The following CDK19 variants were observed in gnomAD, a reference collection of about 807,000 sequenced individuals.
The protein encoded by CDK19 is cyclin dependent kinase 19.
In CDK19, 20 loss-of-function variants were observed where a neutral mutation model predicts 68.3. That is an observed-to-expected ratio of 0.29 (90% CI 0.21 to 0.43). The LOEUF (loss-of-function observed/expected upper bound fraction) is 0.43, where lower values mean the gene tolerates loss of function less well. CDK19 is among the 20% of genes least tolerant of loss of function. The pLI is 1.00. For missense variants in CDK19, 339 were observed against 623.5 expected, an observed-to-expected ratio of 0.54 and a Z score of 4.86; for synonymous variants, 221 against 222.8, an observed-to-expected ratio of 0.99 and a Z score of 0.07.
chr6:110,677,523 G>A (rs1397691941), intron 2 of CDK19, among the ~76,000 whole-genome samples: 18 of 148,408 alleles, frequency 1.2e-4, no homozygotes, highest in African/African-American at 3.8e-4. Context: ...CCGAGATCGC[G>A]CCACTGCACT....
chr6:110,623,334 T>C lies in CDK19; in HGVS notation c.889A>G (p.Met297Val), dbSNP rs777727767. 6.2e-7 allele frequency: 1 copy of C among 1,614,030 alleles called. No homozygotes were observed. Among genetic ancestry groups the C allele is most frequent in the Non-Finnish European group, 8.5e-7 (1 of 1,179,910 alleles). ...TCAGGCTTGACCTTGTGTTTCTCCA[T>C]GTACTTTATGAGGCTACTGTTGGCA... is the stretch of plus-strand genomic sequence containing the variant. Reference protein sequence around the residue: ...TYANSSLIKYMEKHKVKPDSK... With the variant: ...TYANSSLIKYVEKHKVKPDSK... The change falls in exon 9 of 13, where the codon ATG becomes GTG. Residue 297 changes from methionine (M) to valine (V), a missense_variant. Met to Val is a conservative substitution (Grantham distance 21). Transcript: ENST00000368911.
At chr6:110,775,063 T>C (rs1316248142) in intron 1 of CDK19, among the ~76,000 whole-genome samples, 1 of 151,666 alleles carries the variant, frequency 6.6e-6, no homozygotes, top group Non-Finnish European at 1.5e-5. Context: ...CTGGCCAACA[T>C]GGTGAAACCC....
intron 2 of CDK19, among the ~76,000 whole-genome samples, chr6:110,691,397 C>A (rs1772974321): frequency 6.6e-6 from 1 of 151,674 alleles, no homozygotes; most frequent in South Asian, 2.1e-4. Flanking sequence ...TTGCTTGAAC[C>A]CAGGAGGTGG....
At chr6:110,800,070 C>T (rs903608773) in intron 1 of CDK19, among the ~76,000 whole-genome samples, 2 of 152,156 alleles carry the variant, frequency 1.3e-5, no homozygotes, top group African/African-American at 4.8e-5. Flanking sequence ...CTGTTGAATG[C>T]TTAAGTGTTC....
intron 2 of CDK19, among the ~76,000 whole-genome samples, chr6:110,699,053 C>CAAA (rs564638902): frequency 1.6e-4 from 17 of 108,772 alleles, no homozygotes; most frequent in South Asian, 1.5e-3. Context: ...GACCCTGTCT[C>CAAA]AAAAAAAAAA....
intron 2 of CDK19, among the ~76,000 whole-genome samples, chr6:110,705,844 G>T (rs974950964): frequency 1.3e-5 from 2 of 151,998 alleles, no homozygotes; most frequent in African/African-American, 4.8e-5. Context: ...TCACACACTG[G>T]GGCTTGTCAG....
chr6:110,683,490 T>C (rs1772188837), intron 2 of CDK19, among the ~76,000 whole-genome samples: 1 of 152,118 alleles, frequency 6.6e-6, no homozygotes, highest in Non-Finnish European at 1.5e-5. Flanking sequence ...ACCCACTTAG[T>C]AGTTTCTATA....
At chr6:110,780,388 CAAAAA>C (rs57316757) in intron 1 of CDK19, among the ~76,000 whole-genome samples, 1 of 67,130 alleles carries the variant, frequency 1.5e-5, no homozygotes, top group South Asian at 4.2e-4. Flanking sequence ...CACTCTGTCT[CAAAAA>C]AAAAAAAAAA....
At chr6:110,655,853 A>T (rs1407963053) in intron 4 of CDK19, among the ~76,000 whole-genome samples, 1 of 152,210 alleles carries the variant, frequency 6.6e-6, no homozygotes, top group African/African-American at 2.4e-5. Context: ...AGCTCAGGAA[A>T]CTGGACACAG....
intron 4 of CDK19, chr6:110,646,210 CG>C (rs1275056985): frequency 7.1e-7 from 1 of 1,405,726 alleles, no homozygotes; most frequent in Non-Finnish European, 9.5e-7. Context: ...AGCAACTCGT[CG>C]GGGTCCGACG....
At chr6:110,632,914 G>A (rs1779530709) in intron 5 of CDK19, among the ~76,000 whole-genome samples, 1 of 151,898 alleles carries the variant, frequency 6.6e-6, no homozygotes, top group Admixed American at 6.6e-5. Flanking sequence ...ACTTCTGTAT[G>A]CTTATACATT....
At chr6:110,723,313 A>G (rs1248387972) in intron 2 of CDK19, among the ~76,000 whole-genome samples, 1 of 152,118 alleles carries the variant, frequency 6.6e-6, no homozygotes, top group East Asian at 1.9e-4. Flanking sequence ...CCAGGAGTCA[A>G]GTGTGTCAAT....
At chr6:110,791,246 A>C (rs1354742951) in intron 1 of CDK19, among the ~76,000 whole-genome samples, 1 of 152,000 alleles carries the variant, frequency 6.6e-6, no homozygotes, top group East Asian at 1.9e-4. Context: ...CTGTCATGGA[A>C]AAAAAGAAAA....
At chr6:110,617,773 C>T (rs1258410746) in intron 12 of CDK19, among the ~76,000 whole-genome samples, 1 of 135,164 alleles carries the variant, frequency 7.4e-6, no homozygotes, top group Non-Finnish European at 1.5e-5. Flanking sequence ...ATGAGAATCA[C>T]TTGAACCCAG....
chr6:110,615,063 T>C (rs1411355311), intron 12 of CDK19, among the ~76,000 whole-genome samples: 1 of 152,220 alleles, frequency 6.6e-6, no homozygotes, highest in African/African-American at 2.4e-5. Flanking sequence ...TATACTGACA[T>C]GCTATTATTT....
chr6:110,682,904 G>A (rs1008263166), intron 2 of CDK19, among the ~76,000 whole-genome samples: 4 of 152,026 alleles, frequency 2.6e-5, no homozygotes, highest in African/African-American at 4.8e-5. Flanking sequence ...GGCCAGGCAC[G>A]GTGGCTCACA....
At chr6:110,742,024 G>C (rs1582999314) in intron 2 of CDK19, among the ~76,000 whole-genome samples, 3 of 152,134 alleles carry the variant, frequency 2.0e-5, no homozygotes, top group Admixed American at 2.0e-4. Flanking sequence ...TAGGTAAAGA[G>C]AAAAGAAATC....
intron 1 of CDK19, among the ~76,000 whole-genome samples, chr6:110,747,211 T>A (rs540022381): frequency 4.7e-4 from 71 of 152,352 alleles, no homozygotes; most frequent in African/African-American, 1.6e-3. Context: ...TATGTTTACC[T>A]GCAGATAGAG....
chr6:110,645,954 G>A (rs1455455854), intron 4 of CDK19: 6 of 1,153,868 alleles, frequency 5.2e-6, no homozygotes, highest in East Asian at 5.3e-5. Flanking sequence ...CACCGACCGC[G>A]AGGGCTTCTA....
Sources: gnomAD v4.1 joint callset for allele counts (sites outside exome capture counted in the v4.1 genomes callset) on GRCh38, gnomAD v4.1.1 for gene constraint, MANE v1.5 for transcripts, NCBI Gene and HGNC (gene_info 2026-07-23, HGNC 2026-07-21) for gene names.